The following MYOM1 variants were observed in gnomAD, a reference collection of about 807,000 sequenced individuals.
The protein encoded by MYOM1 is myomesin-1.
Under a neutral mutation model 205.3 loss-of-function variants are expected in MYOM1, and 164 were observed. That is an observed-to-expected ratio of 0.80 (90% CI 0.70 to 0.91). MYOM1 has a LOEUF of 0.91. Among genes scored for constraint, MYOM1 ranks in the 40% least tolerant of loss-of-function variants. The pLI, the probability that MYOM1 is intolerant of heterozygous loss-of-function variation, is 0.00. For missense variants in MYOM1, 2,011 were observed against 2,127.3 expected (o/e 0.95, Z 1.08); for synonymous variants, 772 against 789.4 (o/e 0.98, Z 0.37).
intron 22 of MYOM1, among the ~76,000 whole-genome samples, chr18:3,109,328 G>C (rs1023017304): frequency 6.6e-6 from 1 of 152,144 alleles, no homozygotes; most frequent in Admixed American, 6.5e-5. Flanking sequence ...AGGTTTTCCA[G>C]AGCTGAGCTC....
chr18:3,073,322 C>T (rs1272344352), intron 36 of MYOM1, among the ~76,000 whole-genome samples: 1 of 152,150 alleles, frequency 6.6e-6, no homozygotes, highest in Non-Finnish European at 1.5e-5. Flanking sequence ...GAAAGGGCAC[C>T]TTCCTGTCAT....
chr18:3,096,452 A>ATT lies in MYOM1; in HGVS notation c.3728-2148_3728-2147dup, dbSNP rs5822737. On this transcript the variant is annotated intron_variant, in intron 25 of 37. Coordinates refer to ENST00000356443, the MANE Select transcript of MYOM1 (RefSeq NM_003803.4). ...GCTTCTACAACACCCTAGAAACACCATTTTTTTTTTTTTTGAGATGGAGTC... is the reference window on the plus strand; with the variant it reads ...GCTTCTACAACACCCTAGAAACACCATTTTTTTTTTTTTTTTGAGATGGAGTC... Among the ~76,000 whole-genome samples, 507 of 143,472 alleles carry ATT rather than the reference A, an allele frequency of 3.5e-3. 18 individuals are homozygous for ATT. In the East Asian group the frequency reaches 0.057, roughly 16 times the overall value. 94.1% of individuals were successfully genotyped at this position (143,472 alleles called of 152,430 possible). A position where few individuals can be genotyped will look rare whatever the true frequency, so the allele number is the denominator to read the frequency against.
intron 3 of MYOM1, among the ~76,000 whole-genome samples, chr18:3,193,144 C>A (rs1027217273): frequency 6.6e-6 from 1 of 151,702 alleles, no homozygotes; most frequent in Non-Finnish European, 1.5e-5. Context: ...TGTGGTGGCT[C>A]GTGCCTGTGG....
At chr18:3,201,281 C>G (rs1457592186) in intron 2 of MYOM1, among the ~76,000 whole-genome samples, 2 of 151,952 alleles carry the variant, frequency 1.3e-5, no homozygotes, top group African/African-American at 2.4e-5. Context: ...CTCCTGTAAT[C>G]CCAGCTACTC....
intron 3 of MYOM1, among the ~76,000 whole-genome samples, chr18:3,193,342 A>G (rs2080942701): frequency 1.7e-5 from 2 of 118,422 alleles, no homozygotes; most frequent in Non-Finnish European, 3.3e-5. Context: ...ATATATGTAC[A>G]TATACATATA....
In MYOM1 at chr18:3,151,747, C is replaced by G; in HGVS notation, c.1790G>C (p.Arg597Pro). The G allele has an allele frequency of 6.2e-7, 1 of 1,613,794 alleles. No individual in the cohort carries two copies. The highest frequency in any genetic ancestry group is 8.5e-7 in the Non-Finnish European group (1 of 1,179,792). Residue 597 changes from arginine to proline, a missense_variant, in exon 12 of 38, where the codon CGA (arginine) becomes CCA (proline). By Grantham distance (103) the Arg-to-Pro change is moderately radical. Coordinates refer to ENST00000356443, the MANE Select transcript of MYOM1 (RefSeq NM_003803.4). ...VNKMGIGFPS[R>P]VSEPVAALDP... is the part of the protein sequence containing the mutation. ...CAGAGCAGCCACGGGCTCGGAAACT[C>G]GAGATGGGAAACCTATTCCCATTTT...
chr18:3,074,731 A>G (rs1408889374), intron 36 of MYOM1, among the ~76,000 whole-genome samples: 1 of 152,178 alleles, frequency 6.6e-6, no homozygotes, highest in African/African-American at 2.4e-5. Context: ...TCCCAGGAAA[A>G]TGTACAGTAT....
intron 12 of MYOM1, among the ~76,000 whole-genome samples, chr18:3,150,029 T>G (rs146813501): frequency 6.6e-6 from 1 of 152,172 alleles, no homozygotes; most frequent in Non-Finnish European, 1.5e-5. Context: ...AGGAGCCTGA[T>G]GAGACACGGT....
At chr18:3,080,703 T>G (rs988452713) in intron 33 of MYOM1, among the ~76,000 whole-genome samples, 15 of 151,742 alleles carry the variant, frequency 9.9e-5, no homozygotes, top group African/African-American at 3.6e-4. Flanking sequence ...ACCTAAAAGC[T>G]TTTAGCTTTC....
chr18:3,194,265 G>A (rs1456128537), intron 2 of MYOM1, among the ~76,000 whole-genome samples: 1 of 152,184 alleles, frequency 6.6e-6, no homozygotes, highest in Non-Finnish European at 1.5e-5. Context: ...GCCCTTTTGT[G>A]TTAATGTCAT....
Position 3,135,700 on chromosome 18 carries a change from C to G in MYOM1, c.2056G>C (p.Val686Leu), listed in dbSNP as rs1206005455. The G allele has an allele frequency of 1.2e-6, 2 of 1,613,920 alleles. No individual in the cohort carries two copies. Among genetic ancestry groups the G allele is most frequent in the Admixed American group, 1.7e-5 (1 of 60,022 alleles). The change falls in exon 15 of 38, where the codon GTG (valine) becomes CTG (leucine). Residue 686 changes from valine (V) to leucine (L), a missense_variant. By Grantham distance (32) the Val-to-Leu change is conservative (BLOSUM62 1). Coordinates refer to ENST00000356443, the MANE Select transcript of MYOM1 (RefSeq NM_003803.4). The surrounding 1 kb of genome is among the most constrained non-coding windows in gnomAD (Gnocchi z 4.1). Reference protein sequence around the residue: ...CEAGTENWQRVNTELPVKSPR... With the variant: ...CEAGTENWQRLNTELPVKSPR... ...GACTTCACAGGGAGCTCCGTGTTCA[C>G]TCGCTGCCAGTTTTCTGTTCCTGCC...
intron 1 of MYOM1, among the ~76,000 whole-genome samples, chr18:3,216,586 C>T (rs569206267): frequency 6.6e-6 from 1 of 152,250 alleles, no homozygotes; most frequent in South Asian, 2.1e-4. Flanking sequence ...GACTATTGTG[C>T]TCCAGGAACC....
Position 3,144,821 on chromosome 18 carries a change from G to A in MYOM1, c.1901-2758C>T, listed in dbSNP as rs565542055. 2.2e-4 allele frequency among the ~76,000 whole-genome samples: 33 copies of A among 152,248 alleles called. No homozygotes were observed. In the South Asian group the frequency reaches 6.2e-3, roughly 29 times the overall value. ...CATCTAATAACATCCCAAAATACAT[G>A]AAGAAACTGGTAGAACTGCAAGAAG... On this transcript the variant is annotated intron_variant, in intron 13 of 37. Coordinates refer to ENST00000356443, the MANE Select transcript of MYOM1 (RefSeq NM_003803.4).
intron 29 of MYOM1, among the ~76,000 whole-genome samples, chr18:3,087,625 A>G (rs7506379): frequency 0.91 from 138,618 of 151,702 alleles, 63,424 homozygotes; most frequent in Middle Eastern, 0.95. Context: ...AACTAGCTGG[A>G]ACCACAGGTG....
intron 25 of MYOM1, among the ~76,000 whole-genome samples, chr18:3,097,380 T>G (rs2079319125): frequency 7.8e-6 from 1 of 128,278 alleles, no homozygotes; most frequent in Non-Finnish European, 1.7e-5. Context: ...ACCCTTGGGT[T>G]GGGGGCTCTG....
At chr18:3,067,982 G>A (rs760780269) in intron 37 of MYOM1, among the ~76,000 whole-genome samples, 31 of 152,116 alleles carry the variant, frequency 2.0e-4, no homozygotes, top group African/African-American at 7.0e-4. Flanking sequence ...TCAAAGAGCC[G>A]GGCAGCAGAA....
chr18:3,194,085 C>A (rs2080959467), intron 2 of MYOM1, 127 bp from the exon 3 acceptor site: 1 of 926,746 alleles, frequency 1.1e-6, no homozygotes, highest in African/African-American at 1.7e-5. Context: ...TTACAATTAT[C>A]TCTTATCTTT....
intron 33 of MYOM1, among the ~76,000 whole-genome samples, chr18:3,080,358 T>C: frequency 6.6e-6 from 1 of 152,054 alleles, no homozygotes. Context: ...ATAAACAAAA[T>C]GAACTTTGGA....
chr18:3,181,165 G>A (rs568872598), intron 5 of MYOM1, among the ~76,000 whole-genome samples: 1 of 152,246 alleles, frequency 6.6e-6, no homozygotes, highest in Admixed American at 6.5e-5. Flanking sequence ...GACCTCAGGT[G>A]ATCTGCCTGC....
Sources: allele counts gnomAD v4.1 joint callset (sites outside exome capture counted in the v4.1 genomes callset), GRCh38; gene constraint gnomAD v4.1.1; non-coding constraint Gnocchi (gnomAD v3.1); transcripts MANE v1.5; gene names NCBI Gene and HGNC (gene_info 2026-07-23, HGNC 2026-07-21).